PCDH7: variants seen among roughly 807,000 people sequenced by gnomAD.
PCDH7 encodes the protein protocadherin 7.
PCDH7 carries 17 observed loss-of-function variants against 58.9 expected under a neutral mutation model. The observed-to-expected ratio is 0.29, with a 90% CI of 0.20 to 0.43. PCDH7 has a LOEUF of 0.43. Among genes scored for constraint, PCDH7 ranks in the 20% least tolerant of loss-of-function variants. PCDH7 has a pLI of 1.00. For synonymous variants in PCDH7, 664 were observed against 616.4 expected (o/e 1.08, Z -1.14); for missense variants, 1,274 against 1,441.0 (o/e 0.88, Z 1.88).
At chr4:30,951,131 G>A (rs1747323716) in intron 3 of PCDH7, among the ~76,000 whole-genome samples, 1 of 152,104 alleles carries the variant, frequency 6.6e-6, no homozygotes, top group African/African-American at 2.4e-5. Context: ...AGATGACTTA[G>A]AAAAATAGTG....
chr4:30,751,641 C>T lies in PCDH7; in HGVS notation c.70+27045C>T, dbSNP rs77508360. On this transcript the variant is annotated intron_variant, in intron 1 of 3. Coordinates refer to the PCDH7 transcript ENST00000509759. ...AGTATATATATATATTTTGCATGGT[C>T]TCTGAAAAGTTTATTAATCTTTGTG... Among the ~76,000 whole-genome samples, 558 of 152,058 alleles carry T rather than the reference C, an allele frequency of 3.7e-3. 2 individuals are homozygous for T. Among genetic ancestry groups the T allele is most frequent in the African/African-American group, 0.013 (536 of 41,490 alleles).
At chr4:30,875,525 G>A (rs1345083946) in intron 1 of PCDH7, among the ~76,000 whole-genome samples, 6 of 152,180 alleles carry the variant, frequency 3.9e-5, no homozygotes, top group Middle Eastern at 3.4e-3. Context: ...CCAAGTTTAC[G>A]TAGTCCGTTT....
chr4:30,731,184 A>G (rs1715440840), exon 2 of PCDH7: 1 of 978,720 alleles, frequency 1.0e-6, no homozygotes, highest in African/African-American at 1.7e-5. Flanking sequence ...TACATTAAAT[A>G]CTGATTTTGA....
intron 1 of PCDH7, among the ~76,000 whole-genome samples, chr4:30,835,418 A>C (rs984890353): frequency 1.3e-5 from 2 of 152,160 alleles, no homozygotes; most frequent in Non-Finnish European, 2.9e-5. Context: ...GGTCTTTCTG[A>C]GAATCTAACT....
chr4:31,097,512 GA>G, intron 3 of PCDH7, among the ~76,000 whole-genome samples: 3 of 118,262 alleles, frequency 2.5e-5, no homozygotes, highest in African/African-American at 1.1e-4. Context: ...AAGAAAGAGA[GA>G]AAGAAAGAAG....
intron 1 of PCDH7, among the ~76,000 whole-genome samples, chr4:30,792,440 A>G (rs2109299648): frequency 6.6e-6 from 1 of 152,290 alleles, no homozygotes; most frequent in East Asian, 1.9e-4. Context: ...ACAAATCTCA[A>G]TAATTTTTAC....
intron 1 of PCDH7, among the ~76,000 whole-genome samples, chr4:30,892,768 A>C (rs894509736): frequency 6.6e-6 from 1 of 152,082 alleles, no homozygotes; most frequent in Non-Finnish European, 1.5e-5. Context: ...GCTTGTAGGA[A>C]GTGAAATAAC....
chr4:30,840,148 A>ATT (rs113047338), intron 1 of PCDH7, among the ~76,000 whole-genome samples: 2 of 148,574 alleles, frequency 1.3e-5, no homozygotes, highest in African/African-American at 2.5e-5. Flanking sequence ...CTTTTCAGTT[A>ATT]TTTTTTTTTT....
intron 1 of PCDH7, among the ~76,000 whole-genome samples, chr4:30,751,095 GA>G (rs1210875544): frequency 6.6e-6 from 1 of 152,136 alleles, no homozygotes; most frequent in African/African-American, 2.4e-5. Context: ...TTAAGATATT[GA>G]AACTGTTACC....
intron 1 of PCDH7, among the ~76,000 whole-genome samples, chr4:30,803,566 C>T (rs1725806684): frequency 1.3e-5 from 2 of 152,116 alleles, no homozygotes; most frequent in African/African-American, 4.8e-5. Context: ...GCCTTCCTCA[C>T]TGCTGGGACT....
At chr4:30,736,148 A>G (rs1379080522), downstream of PCDH7, among the ~76,000 whole-genome samples, 1 of 152,184 alleles carries the variant, frequency 6.6e-6, no homozygotes, top group Admixed American at 6.5e-5. Context: ...TTCTTACCCT[A>G]ACTTAACTGG....
chr4:30,916,183 A>G (rs1023556595), intron 1 of PCDH7, among the ~76,000 whole-genome samples: 1 of 152,168 alleles, frequency 6.6e-6, no homozygotes, highest in Non-Finnish European at 1.5e-5. Flanking sequence ...GGCTTTCTTC[A>G]TAATGGCCTT....
chr4:31,099,132 G>A (rs1271483620), intron 3 of PCDH7, among the ~76,000 whole-genome samples: 1 of 152,142 alleles, frequency 6.6e-6, no homozygotes, highest in Non-Finnish European at 1.5e-5. Context: ...ATAACACAGA[G>A]GGAGAGAACA....
At chr4:30,821,894 G>A (rs1728421162) in intron 1 of PCDH7, among the ~76,000 whole-genome samples, 1 of 152,120 alleles carries the variant, frequency 6.6e-6, no homozygotes, top group Admixed American at 6.6e-5. Flanking sequence ...GAAACAGTGG[G>A]AAGGATAAAA....
chr4:31,069,511 T>G (rs564129830), intron 3 of PCDH7, among the ~76,000 whole-genome samples: 1 of 152,034 alleles, frequency 6.6e-6, no homozygotes, highest in Non-Finnish European at 1.5e-5. Flanking sequence ...TTACACATCA[T>G]GAAAAATGCT....
chr4:31,068,051 A>G (rs1329940621), intron 3 of PCDH7, among the ~76,000 whole-genome samples: 1 of 151,980 alleles, frequency 6.6e-6, no homozygotes, highest in Non-Finnish European at 1.5e-5. Context: ...TCCATACATA[A>G]TTATAGAAAG....
At chr4:31,036,317 C>T (rs1202790312) in intron 3 of PCDH7, among the ~76,000 whole-genome samples, 2 of 152,082 alleles carry the variant, frequency 1.3e-5, no homozygotes, top group South Asian at 2.1e-4. Context: ...TCCTCAGTAG[C>T]GGGGATTACA....
intron 1 of PCDH7, among the ~76,000 whole-genome samples, chr4:30,911,287 A>C (rs568141411): frequency 1.0e-3 from 153 of 150,546 alleles, no homozygotes; most frequent in African/African-American, 3.5e-3. Flanking sequence ...CTACACATGT[A>C]TCCAGAACTT....
intron 3 of PCDH7, among the ~76,000 whole-genome samples, chr4:31,111,458 G>A (rs915332324): frequency 1.3e-5 from 2 of 151,894 alleles, no homozygotes; most frequent in African/African-American, 4.8e-5. Context: ...ACAAGCGCCC[G>A]CAACCACACC....
Sources: gnomAD v4.1 joint callset for allele counts (sites outside exome capture counted in the v4.1 genomes callset) on GRCh38, gnomAD v4.1.1 for gene constraint, MANE v1.5 for transcripts, NCBI Gene and HGNC (gene_info 2026-07-23, HGNC 2026-07-21) for gene names.